ANKRD11: variants seen among roughly 807,000 people sequenced by gnomAD.
ANKRD11 encodes ankyrin repeat domain 11.
A neutral mutation model predicts 195.7 loss-of-function variants in ANKRD11; 17 were observed. The observed-to-expected ratio is 0.09, with a 90% CI of 0.06 to 0.13. ANKRD11 has a LOEUF of 0.13. Among genes scored for constraint, ANKRD11 ranks in the 10% least tolerant of loss-of-function variants. The pLI, the probability that ANKRD11 is intolerant of heterozygous loss-of-function variation, is 1.00. For synonymous variants in ANKRD11, 1,953 were observed against 1,528.1 expected (o/e 1.28, Z -6.49); for missense variants, 3,735 against 3,566.1 (o/e 1.05, Z -1.21).
chr16:89,480,215 G>A (rs1375007327), intron 1 of ANKRD11, among the ~76,000 whole-genome samples: 3 of 151,830 alleles, frequency 2.0e-5, no homozygotes, highest in Non-Finnish European at 2.9e-5. Flanking sequence ...GATGGCTGAC[G>A]CCTGTAATCC....
At chr16:89,344,998 G>T (rs1373923272) in intron 2 of ANKRD11, among the ~76,000 whole-genome samples, 1 of 152,220 alleles carries the variant, frequency 6.6e-6, no homozygotes, top group Non-Finnish European at 1.5e-5. Flanking sequence ...CACAGCAGAA[G>T]CAGGCGCAGA....
intron 1 of ANKRD11, among the ~76,000 whole-genome samples, chr16:89,440,247 C>A (rs138292898): frequency 6.6e-6 from 1 of 152,120 alleles, no homozygotes; most frequent in Non-Finnish European, 1.5e-5. Context: ...AATATGTTCA[C>A]GTAAAATGTA....
chr16:89,425,689 G>C (rs1349558666), intron 1 of ANKRD11, among the ~76,000 whole-genome samples: 3 of 152,072 alleles, frequency 2.0e-5, no homozygotes, highest in African/African-American at 4.8e-5. Flanking sequence ...GCAGTTATTT[G>C]TTTCCTGTTT....
At chr16:89,273,881 G>A (rs1278631300) in intron 11 of ANKRD11, among the ~76,000 whole-genome samples, 5 of 152,036 alleles carry the variant, frequency 3.3e-5, no homozygotes, top group East Asian at 3.9e-4. Flanking sequence ...CTGGGGTGGC[G>A]TCAAGGGGGG....
At chr16:89,487,328 G>C (rs1347614631) in intron 1 of ANKRD11, among the ~76,000 whole-genome samples, 1 of 152,132 alleles carries the variant, frequency 6.6e-6, no homozygotes, top group Non-Finnish European at 1.5e-5. Flanking sequence ...CACTTATTTT[G>C]GCAACAAAAT....
intron 1 of ANKRD11, among the ~76,000 whole-genome samples, chr16:89,469,411 T>C (rs1465634204): frequency 2.0e-5 from 3 of 151,894 alleles, no homozygotes; most frequent in East Asian, 2.0e-4. Context: ...TCAGTAAAGA[T>C]AGGGTTTCAC....
intron 1 of ANKRD11, among the ~76,000 whole-genome samples, chr16:89,424,025 G>GT (rs1441997703): frequency 1.3e-5 from 2 of 152,088 alleles, no homozygotes; most frequent in Admixed American, 6.5e-5. Context: ...CGGGAAGATT[G>GT]TAACCCCATA....
chr16:89,345,205 A>T (rs1231903264), intron 2 of ANKRD11, among the ~76,000 whole-genome samples: 1 of 152,064 alleles, frequency 6.6e-6, no homozygotes, highest in African/African-American at 2.4e-5. Context: ...AACTGTAAAG[A>T]TGGAAAAAAA....
chr16:89,338,726 CAAAAA>C (rs34799616), intron 2 of ANKRD11, among the ~76,000 whole-genome samples: 21 of 43,794 alleles, frequency 4.8e-4, no homozygotes, highest in Admixed American at 4.4e-3. Context: ...CACTCAGTCT[CAAAAA>C]AAAAAAAAAA....
At chr16:89,485,731 C>T (rs1169679963) in intron 1 of ANKRD11, among the ~76,000 whole-genome samples, 1 of 152,056 alleles carries the variant, frequency 6.6e-6, no homozygotes, top group South Asian at 2.1e-4. Context: ...AGAAAAAAAT[C>T]AATAGGGCAC....
chr16:89,286,904 G>A (rs996630645), intron 7 of ANKRD11: 16 of 1,289,426 alleles, frequency 1.2e-5, no homozygotes, highest in African/African-American at 3.0e-5. Context: ...CGCATTCAAA[G>A]AATCTGTCAT....
At chr16:89,384,513 CGACATGGAACAGGATGGGAT>C (rs1265274684) in intron 2 of ANKRD11, among the ~76,000 whole-genome samples, 1 of 146,574 alleles carries the variant, frequency 6.8e-6, no homozygotes, top group African/African-American at 2.6e-5. Flanking sequence ...CAGGATGGGA[CGACATGGAACAGGATGGGAT>C]GGGACTGGGA....
rs571816484 is a variant in ANKRD11, at chr16:89,459,259, G to C, written c.-145+30986C>G. ...ACATGAAAGGATGTCTTGAGAGGAG[G>C]GAACAGTGGTAAGAGTGAAGCCAGC... is the stretch of plus-strand genomic sequence containing the variant. On this transcript the variant is annotated intron_variant, in intron 1 of 12. Transcript: ENST00000301030. 1.3e-3 allele frequency: 223 copies of C among 171,804 alleles called. 1 individual carries two copies. The highest frequency in any genetic ancestry group is 5.0e-3 in the African/African-American group (208 of 41,772). The allele number at this position is 171,804 out of a possible 1,614,324, so 10.6% of individuals were successfully genotyped here. A position where few individuals can be genotyped will look rare whatever the true frequency, so the allele number is the denominator to read the frequency against.
intron 2 of ANKRD11, 73 bp from the exon 3 acceptor site, chr16:89,317,151 C>T: frequency 1.0e-6 from 1 of 1,004,272 alleles, no homozygotes; most frequent in East Asian, 2.6e-5. Flanking sequence ...ACACCGCACT[C>T]AACAGACTCA....
At chr16:89,386,824 G>A (rs574557131) in intron 2 of ANKRD11, among the ~76,000 whole-genome samples, 7 of 152,288 alleles carry the variant, frequency 4.6e-5, no homozygotes, top group Non-Finnish European at 1.0e-4. Context: ...TAAAGCAGAA[G>A]CCTGAAGACT....
intron 2 of ANKRD11, among the ~76,000 whole-genome samples, chr16:89,362,109 T>C (rs2039758336): frequency 6.6e-6 from 1 of 152,236 alleles, no homozygotes; most frequent in Non-Finnish European, 1.5e-5. Context: ...CAACATGAGA[T>C]ACAATTATTT....
At chr16:89,358,013 G>A (rs2039564003) in intron 2 of ANKRD11, among the ~76,000 whole-genome samples, 1 of 152,240 alleles carries the variant, frequency 6.6e-6, no homozygotes, top group African/African-American at 2.4e-5. Context: ...GCCAGTAAAT[G>A]CTTCCTTTCC....
chr16:89,323,598 T>G (rs1396609028), intron 2 of ANKRD11, among the ~76,000 whole-genome samples: 3 of 72,554 alleles, frequency 4.1e-5, no homozygotes, highest in Non-Finnish European at 1.0e-4. Context: ...GCAGGGGGGC[T>G]GAGCCCGGGG....
At chr16:89,478,187 G>A (rs1056021905) in intron 1 of ANKRD11, among the ~76,000 whole-genome samples, 10 of 152,122 alleles carry the variant, frequency 6.6e-5, no homozygotes, top group Non-Finnish European at 8.8e-5. Flanking sequence ...CAGCTGCCTC[G>A]CCAGCAGCAC....
Sources: allele counts gnomAD v4.1 joint callset (sites outside exome capture counted in the v4.1 genomes callset), GRCh38; gene constraint gnomAD v4.1.1; transcripts MANE v1.5; gene names NCBI Gene and HGNC (gene_info 2026-07-23, HGNC 2026-07-21).